The following GSK3B variants were observed in gnomAD, a reference collection of about 807,000 sequenced individuals.
GSK3B encodes glycogen synthase kinase-3 beta.
In GSK3B, 15 loss-of-function variants were observed where a neutral mutation model predicts 56.4. That is an observed-to-expected ratio of 0.27 (90% confidence interval 0.18 to 0.41). The LOEUF is 0.41. GSK3B is among the 10% of genes least tolerant of loss of function. The pLI, the probability that GSK3B is intolerant of heterozygous loss-of-function variation, is 1.00. For missense variants in GSK3B, 300 were observed against 513.4 expected (o/e 0.58, Z 4.02); for synonymous variants, 181 against 188.9 (o/e 0.96, Z 0.34).
At chr3:119,952,381 G>A (rs984299790) in intron 2 of GSK3B, among the ~76,000 whole-genome samples, 1 of 151,656 alleles carries the variant, frequency 6.6e-6, no homozygotes, top group Non-Finnish European at 1.5e-5. Flanking sequence ...CCAGCGACTC[G>A]GGAGGCGGAG....
At chr3:119,932,530 T>G (rs1464613088) in intron 3 of GSK3B, among the ~76,000 whole-genome samples, 1 of 142,394 alleles carries the variant, frequency 7.0e-6, no homozygotes, top group Non-Finnish European at 1.5e-5. Context: ...AGAAAAATAA[T>G]AAATGTGCCA....
intron 7 of GSK3B, among the ~76,000 whole-genome samples, chr3:119,897,808 A>AG (rs2056584499): frequency 1.3e-5 from 2 of 150,914 alleles, no homozygotes; most frequent in African/African-American, 2.4e-5. Flanking sequence ...AAAAAAAAAA[A>AG]AAAGAAAAAG....
chr3:119,837,321 ATTT>A (rs58821918), intron 10 of GSK3B, among the ~76,000 whole-genome samples: 5 of 130,230 alleles, frequency 3.8e-5, no homozygotes, highest in Admixed American at 7.8e-5. Flanking sequence ...CGCCCGGCTA[ATTT>A]TTTTTTTTTT....
intron 10 of GSK3B, chr3:119,832,927 T>C (rs957098636): frequency 9.5e-6 from 9 of 942,988 alleles, no homozygotes; most frequent in Non-Finnish European, 1.1e-5. Flanking sequence ...TTTCTTTTTA[T>C]AGGACAGGAT....
intron 7 of GSK3B, among the ~76,000 whole-genome samples, chr3:119,898,492 C>T (rs1466388067): frequency 6.6e-6 from 1 of 152,104 alleles, no homozygotes; most frequent in Non-Finnish European, 1.5e-5. Context: ...CACTAATTTG[C>T]TGGTAGACAC....
intron 2 of GSK3B, among the ~76,000 whole-genome samples, chr3:119,984,148 C>G (rs902486606): frequency 6.6e-6 from 1 of 152,102 alleles, no homozygotes; most frequent in Admixed American, 6.6e-5. Context: ...AAGATATTCT[C>G]TGAAACCAAT....
chr3:120,085,615 C>T (rs62266281), intron 1 of GSK3B, among the ~76,000 whole-genome samples: 36,473 of 152,112 alleles, frequency 0.24, 4,825 homozygotes, highest in East Asian at 0.48. Context: ...GTCTGGCCAA[C>T]ATGGTGAAAC....
intron 3 of GSK3B, among the ~76,000 whole-genome samples, chr3:119,924,709 T>C (rs963321932): frequency 6.6e-6 from 1 of 152,190 alleles, no homozygotes; most frequent in African/African-American, 2.4e-5. Context: ...TCCATCATTA[T>C]CCTCTCTAAC....
At chr3:119,899,320 G>C (rs1157818788) in intron 7 of GSK3B, among the ~76,000 whole-genome samples, 1 of 152,036 alleles carries the variant, frequency 6.6e-6, no homozygotes, top group East Asian at 1.9e-4. Context: ...GGTTGGCTCT[G>C]GGTAACTAAA....
intron 9 of GSK3B, among the ~76,000 whole-genome samples, chr3:119,858,400 T>C (rs1353338006): frequency 8.5e-5 from 13 of 152,234 alleles, no homozygotes; most frequent in Non-Finnish European, 5.9e-5. Flanking sequence ...ATATCAGCAC[T>C]TGCTGCTTCA....
intron 8 of GSK3B, among the ~76,000 whole-genome samples, chr3:119,873,676 C>A (rs1028129696): frequency 1.3e-5 from 2 of 151,982 alleles, no homozygotes; most frequent in Non-Finnish European, 2.9e-5. Flanking sequence ...CTTATAATAA[C>A]CTATTTAAAA....
intron 2 of GSK3B, among the ~76,000 whole-genome samples, chr3:119,989,645 C>CAA (rs766816915): frequency 3.6e-5 from 4 of 110,734 alleles, no homozygotes; most frequent in Admixed American, 9.5e-5. Context: ...AGTCTGACTC[C>CAA]AAAAAAAAAA....
At position 119,824,481 on chromosome 3, in the gene GSK3B, G is replaced by A. The variant is rs761384782; in HGVS notation, c.*2307C>T. 1.4e-5 allele frequency: 3 copies of A among 215,282 alleles called. No individual in the cohort carries two copies. Among genetic ancestry groups the A allele is most frequent in the Non-Finnish European group, 2.8e-5 (3 of 106,684 alleles). 13.3% of individuals were successfully genotyped at this position (215,282 alleles called of 1,614,324 possible). On this transcript the variant is annotated 3_prime_UTR_variant, in exon 11 of 11. Coordinates refer to ENST00000264235, the MANE Select transcript of GSK3B (RefSeq NM_001146156.2). ...TTATGGACTCTGGGGAGTATACCAC[G>A]TCCAGAGCAGTGTCTGCATCCAAAC...
chr3:120,037,771 T>C (rs1559886355), intron 1 of GSK3B, among the ~76,000 whole-genome samples: 1 of 152,162 alleles, frequency 6.6e-6, no homozygotes, highest in Non-Finnish European at 1.5e-5. Flanking sequence ...TTTTTACATT[T>C]TATGCTCTTT....
intron 2 of GSK3B, among the ~76,000 whole-genome samples, chr3:119,956,049 G>A (rs1011989019): frequency 3.3e-5 from 5 of 152,152 alleles, no homozygotes; most frequent in Non-Finnish European, 5.9e-5. Flanking sequence ...ATCTACACTA[G>A]TAAAAACAGA....
At chr3:120,047,205 T>C (rs1378210537) in intron 1 of GSK3B, among the ~76,000 whole-genome samples, 2 of 152,206 alleles carry the variant, frequency 1.3e-5, no homozygotes, top group Admixed American at 1.3e-4. Context: ...TAATGATAAG[T>C]AATGTATTTC....
intron 3 of GSK3B, among the ~76,000 whole-genome samples, chr3:119,940,110 T>TGTGTGTGTGTGTGTG (rs572334273): frequency 3.0e-4 from 45 of 149,050 alleles, no homozygotes; most frequent in African/African-American, 1.1e-3. Flanking sequence ...GTGTGTGTGT[T>TGTGTGTGTGTGTGTG]TGTGTGTGTG....
chr3:120,017,399 T>C (rs74678430), intron 1 of GSK3B, among the ~76,000 whole-genome samples: 397 of 152,262 alleles, frequency 2.6e-3, no homozygotes, highest in African/African-American at 8.5e-3. Flanking sequence ...ATATATTTTT[T>C]AAATCAATTA....
At chr3:120,080,819 G>C (rs1466318322) in intron 1 of GSK3B, among the ~76,000 whole-genome samples, 1 of 150,576 alleles carries the variant, frequency 6.6e-6, no homozygotes, top group Non-Finnish European at 1.5e-5. Flanking sequence ...AATACAGCAA[G>C]ACTCAGTCTC....
Sources: gnomAD v4.1 joint callset for allele counts (sites outside exome capture counted in the v4.1 genomes callset) on GRCh38, gnomAD v4.1.1 for gene constraint, MANE v1.5 for transcripts, NCBI Gene and HGNC (gene_info 2026-07-23, HGNC 2026-07-21) for gene names.